Variants in TRAPPC9 observed in about 807,000 individuals in gnomAD.
TRAPPC9 encodes the protein trafficking protein particle complex subunit 9.
TRAPPC9 carries 83 observed loss-of-function variants against 124.0 expected under a neutral mutation model. The observed-to-expected ratio is 0.67, with a 90% CI of 0.56 to 0.80. TRAPPC9 has a LOEUF of 0.80. Among genes scored for constraint, TRAPPC9 ranks in the 30% least tolerant of loss-of-function variants. The pLI, the probability that TRAPPC9 is intolerant of heterozygous loss-of-function variation, is 0.00. For synonymous variants in TRAPPC9, 638 were observed against 617.5 expected (o/e 1.03, Z -0.49); for missense variants, 1,302 against 1,508.3 (o/e 0.86, Z 2.27).
At position 139,836,728 on chromosome 8, in the gene TRAPPC9, A is replaced by G. The variant is rs551260676; in HGVS notation, c.3055+49151T>C. Among the ~76,000 whole-genome samples the G allele has an allele frequency of 2.6e-5, 4 of 152,370 alleles. No homozygotes were observed. The East Asian group carries it at 5.8e-4, about 22-fold the overall frequency. On this transcript the variant is annotated intron_variant, in intron 21 of 22. Transcript: ENST00000438773. ...AAGGCTCCACAAAATCTCAGCATGC[A>G]TGCAATTAGTCATGGGAAGAAACAG...
rs533293295 is a variant in TRAPPC9 at position 140,063,500 on chromosome 8, C to G, written c.2557-39421G>C. On this transcript the variant is annotated intron_variant, in intron 17 of 22. Transcript: ENST00000438773. This position sits in a 1 kb window ranked among gnomAD's most constrained non-coding sequence, Gnocchi z 4.3. The stretch of plus-strand genomic sequence containing the variant: ...AGGGCTCTAAACACATCAGACTGTG[C>G]CTTATCCAAGCCTATACCATAAGAG... Among the ~76,000 whole-genome samples the G allele has an allele frequency of 9.7e-4, 148 of 152,238 alleles. 1 individual carries two copies. The highest frequency in any genetic ancestry group is 3.4e-3 in the African/African-American group (143 of 41,552).
At chr8:139,819,778 C>G (rs1208915217) in intron 21 of TRAPPC9, among the ~76,000 whole-genome samples, 2 of 151,958 alleles carry the variant, frequency 1.3e-5, no homozygotes, top group Non-Finnish European at 2.9e-5. Flanking sequence ...CTTTGGGAAG[C>G]CGAGATGGGT....
chr8:139,994,519 C>T (rs1271315270), intron 18 of TRAPPC9, among the ~76,000 whole-genome samples: 3 of 152,182 alleles, frequency 2.0e-5, no homozygotes, highest in East Asian at 1.9e-4. Context: ...ATGCTCACGA[C>T]GGCTATGGTA....
At chr8:140,417,656 T>C (rs1199089714) in intron 5 of TRAPPC9, among the ~76,000 whole-genome samples, 1 of 152,238 alleles carries the variant, frequency 6.6e-6, no homozygotes, top group Non-Finnish European at 1.5e-5. Context: ...AGTGTAGCGA[T>C]TCCTCAAGGA....
chr8:140,309,234 T>C (rs1420056571), intron 10 of TRAPPC9, among the ~76,000 whole-genome samples: 1 of 152,264 alleles, frequency 6.6e-6, no homozygotes, highest in African/African-American at 2.4e-5. Flanking sequence ...GAGCGCTTCC[T>C]AGGCGCTAGG....
In TRAPPC9 at chr8:140,311,371, T is replaced by C. The variant is rs1216451648; in HGVS notation, c.1499A>G (p.Lys500Arg). ...CTCTAGGCTTTGGGCCACATCTTTC[T>C]TTTCTGAAGAGAAGATGAAAACAAA... ...TMLDFLSDQE[K>R]KDVAQSLENY... The change falls in exon 10 of 23, where the codon AAG (lysine) becomes AGG (arginine). Residue 500 changes from lysine to arginine, a missense_variant. Transcript: ENST00000438773. 39 of 1,613,656 alleles carry C rather than the reference T, an allele frequency of 2.4e-5. No homozygotes were observed. Among genetic ancestry groups the C allele is most frequent in the Non-Finnish European group, 3.1e-5 (37 of 1,179,990 alleles).
intron 17 of TRAPPC9, among the ~76,000 whole-genome samples, chr8:140,143,568 T>G (rs1398447487): frequency 6.6e-6 from 1 of 152,254 alleles, no homozygotes; most frequent in Non-Finnish European, 1.5e-5. Context: ...TGATCAATCT[T>G]TTCCTTCCTG....
intron 19 of TRAPPC9, among the ~76,000 whole-genome samples, chr8:139,973,782 G>C (rs1288280688): frequency 2.0e-5 from 3 of 152,012 alleles, no homozygotes; most frequent in Non-Finnish European, 4.4e-5. Context: ...GGAGGAGGCC[G>C]AGGTGAGTGC....
chr8:139,988,663 C>T, intron 19 of TRAPPC9, 63 bp downstream of exon 19: 2 of 1,141,320 alleles, frequency 1.8e-6, no homozygotes, highest in South Asian at 1.3e-5. Context: ...CCACACCCTC[C>T]CAAGCAGCGT....
chr8:139,994,139 G>C (rs911178157), intron 18 of TRAPPC9, among the ~76,000 whole-genome samples: 2 of 152,164 alleles, frequency 1.3e-5, no homozygotes, highest in Non-Finnish European at 2.9e-5. Context: ...CTGAGAAAAG[G>C]GTTTGCACAG....
chr8:140,404,837 C>A (rs73356476), intron 6 of TRAPPC9, among the ~76,000 whole-genome samples: 3 of 142,046 alleles, frequency 2.1e-5, no homozygotes, highest in East Asian at 4.2e-4. Context: ...TGTGAGCATG[C>A]GTGTGTACGT....
At chr8:140,378,881 T>A (rs993461536) in intron 7 of TRAPPC9, among the ~76,000 whole-genome samples, 4 of 152,182 alleles carry the variant, frequency 2.6e-5, no homozygotes, top group Admixed American at 6.5e-5. Flanking sequence ...TTCCTGCTTT[T>A]GGGAAAAGGA....
intron 21 of TRAPPC9, among the ~76,000 whole-genome samples, chr8:139,809,405 G>A (rs1220538890): frequency 1.3e-5 from 2 of 152,194 alleles, no homozygotes; most frequent in African/African-American, 4.8e-5. Flanking sequence ...GGAATAGCAG[G>A]AAAGTTCCCA....
At chr8:139,922,910 A>AAAGC (rs1251360854) in intron 19 of TRAPPC9, among the ~76,000 whole-genome samples, 1 of 152,208 alleles carries the variant, frequency 6.6e-6, no homozygotes. Context: ...GTATGTCATT[A>AAAGC]AAGCAAGCAA....
chr8:140,077,215 C>T (rs922048466), intron 17 of TRAPPC9, among the ~76,000 whole-genome samples: 6 of 152,008 alleles, frequency 3.9e-5, no homozygotes, highest in Non-Finnish European at 8.8e-5. Flanking sequence ...AAATATAATA[C>T]ATATTTGTTT....
intron 17 of TRAPPC9, among the ~76,000 whole-genome samples, chr8:140,053,620 T>C (rs868373947): frequency 6.6e-5 from 10 of 152,332 alleles, no homozygotes; most frequent in Middle Eastern, 3.4e-3. Flanking sequence ...CCTTCCTCAT[T>C]TTCTGTCTGG....
intron 9 of TRAPPC9, 36 bp downstream of exon 9, chr8:140,360,014 C>T (rs752269386): frequency 1.4e-5 from 22 of 1,613,492 alleles, no homozygotes; most frequent in Non-Finnish European, 1.9e-5. Context: ...ATTCACAGTT[C>T]CTTGAAAAAA....
chr8:139,849,798 G>A (rs553996611), intron 21 of TRAPPC9, among the ~76,000 whole-genome samples: 50 of 152,344 alleles, frequency 3.3e-4, no homozygotes, highest in Admixed American at 1.8e-3. Context: ...GTCAGGAGGT[G>A]AAGCCACTTC....
chr8:139,932,232 C>A, intron 19 of TRAPPC9: 1 of 431,054 alleles, frequency 2.3e-6, no homozygotes, highest in Non-Finnish European at 4.7e-6. Context: ...AGAGCCACTT[C>A]GCCGTGCAGC....
Sources: gnomAD v4.1 joint callset for allele counts (sites outside exome capture counted in the v4.1 genomes callset) on GRCh38, gnomAD v4.1.1 for gene constraint, Gnocchi (gnomAD v3.1) non-coding constraint, MANE v1.5 for transcripts, NCBI Gene and HGNC (gene_info 2026-07-23, HGNC 2026-07-21) for gene names.